Variants in CNIH4 observed in about 807,000 individuals in gnomAD.
CNIH4 encodes the protein cornichon family member 4.
A neutral mutation model predicts 21.5 loss-of-function variants in CNIH4; 9 were observed. The observed-to-expected ratio is 0.42, with a 90% confidence interval of 0.25 to 0.73. The LOEUF (loss-of-function observed/expected upper bound fraction) is 0.73, where lower values mean the gene tolerates loss of function less well. Ranked by LOEUF, CNIH4 falls within the 30% of genes least tolerant of loss-of-function variation. CNIH4 has a pLI of 0.27. For synonymous variants in CNIH4, 67 were observed against 59.1 expected (o/e 1.13, Z -0.61); for missense variants, 159 against 170.0 (o/e 0.94, Z 0.36).
chr1:224,356,841 C>A, upstream of CNIH4: 1 of 1,206,802 alleles, frequency 8.3e-7, no homozygotes, highest in Non-Finnish European at 1.2e-6. Flanking sequence ...CACGCCTCAG[C>A]CAGCCCCGGC....
At chr1:224,361,235 C>T (rs577237809) in intron 2 of CNIH4, among the ~76,000 whole-genome samples, 44 of 151,858 alleles carry the variant, frequency 2.9e-4, no homozygotes, top group South Asian at 1.7e-3. Context: ...CCTGCCTCAG[C>T]CTCCCAAGTA....
chr1:224,373,405 T>C (rs1672688789), intron 4 of CNIH4, among the ~76,000 whole-genome samples: 1 of 152,226 alleles, frequency 6.6e-6, no homozygotes, highest in African/African-American at 2.4e-5. Flanking sequence ...GGGGCGGTGC[T>C]GTAGGTACAG....
intron 1 of CNIH4, among the ~76,000 whole-genome samples, chr1:224,358,402 G>A (rs1368750845): frequency 6.6e-6 from 1 of 152,160 alleles, no homozygotes; most frequent in Non-Finnish European, 1.5e-5. Context: ...GGAGCTGATT[G>A]AAAGGGCAGC....
chr1:224,366,187 G>T (rs61278437), intron 3 of CNIH4, among the ~76,000 whole-genome samples, 196 bp downstream of exon 3: 13,340 of 151,500 alleles, frequency 0.088, 1,811 homozygotes, highest in African/African-American at 0.29. Flanking sequence ...GACTACAGGC[G>T]TGCACCACCA....
chr1:224,366,096 C>T, intron 3 of CNIH4, 105 bp downstream of exon 3: 3 of 746,042 alleles, frequency 4.0e-6, no homozygotes, highest in Non-Finnish European at 7.2e-6. Flanking sequence ...GGCTGGAGTG[C>T]AGTGGTGTGA....
chr1:224,363,097 T>G (rs769756186), intron 2 of CNIH4, among the ~76,000 whole-genome samples: 3 of 152,146 alleles, frequency 2.0e-5, no homozygotes, highest in Non-Finnish European at 4.4e-5. Context: ...TAGGCTGGAG[T>G]GCAGTGGTGC....
chr1:224,357,210 G>C, intron 1 of CNIH4: 1 of 492,804 alleles, frequency 2.0e-6, no homozygotes, highest in South Asian at 3.0e-5. Flanking sequence ...GCACGCACTT[G>C]CCCTGCCTGG....
chr1:224,357,140 C>G (rs1672139028), intron 1 of CNIH4, 147 bp downstream of exon 1: 4 of 856,280 alleles, frequency 4.7e-6, no homozygotes, highest in South Asian at 1.6e-5. Flanking sequence ...GGGGCGGTGG[C>G]GCGGGCCCCG....
At position 224,378,985 on chromosome 1, in the gene CNIH4, C is replaced by T. The variant is rs997441355; in HGVS notation, c.*3163C>T. The T allele has an allele frequency of 1.9e-5, 26 of 1,361,870 alleles. No homozygotes were observed. Among genetic ancestry groups the T allele is most frequent in the East Asian group, 2.5e-5 (1 of 40,010 alleles). The allele number at this position is 1,361,870 out of a possible 1,614,324, so 84.4% of individuals were successfully genotyped here. On this transcript the variant is annotated 3_prime_UTR_variant, in exon 5 of 5. Coordinates refer to ENST00000465271, the MANE Select transcript of CNIH4 (RefSeq NM_014184.4). ...CTCTATAATGGCAGTACCCAGGGCC[C>T]GGTCCATAGACTACTATCGAGTGCT...
At chr1:224,372,710 G>T (rs1194262211) in intron 4 of CNIH4, among the ~76,000 whole-genome samples, 1 of 151,676 alleles carries the variant, frequency 6.6e-6, no homozygotes, top group Non-Finnish European at 1.5e-5. Context: ...AGCCTCCCAA[G>T]TAGCTGGGAC....
In CNIH4 at chr1:224,357,159, A is replaced by T; in HGVS notation, c.69+166A>T. The T allele has an allele frequency of 4.2e-6, 3 of 711,614 alleles. No homozygotes were observed. In the South Asian group the frequency reaches 5.5e-5, roughly 13 times the overall value. The allele number at this position is 711,614 out of a possible 1,614,324, so 44.1% of individuals were successfully genotyped here. The stretch of plus-strand genomic sequence containing the variant: ...CGGTGGCGCGGGCCCCGGAGCGGGT[A>T]GGAGAGGCTGGCTGCCCTACCCGAC... On this transcript the variant is annotated intron_variant, in intron 1 of 4. Coordinates refer to ENST00000465271, the MANE Select transcript of CNIH4 (RefSeq NM_014184.4).
intron 4 of CNIH4, 135 bp from the exon 5 acceptor site, chr1:224,375,660 T>C: frequency 1.1e-6 from 1 of 917,072 alleles, no homozygotes; most frequent in Non-Finnish European, 1.6e-6. Context: ...TATTCTTTCC[T>C]TTGGGTATGA....
intron 3 of CNIH4, 73 bp from the exon 4 acceptor site, chr1:224,371,210 G>A (rs564753590): frequency 6.8e-7 from 1 of 1,461,994 alleles, no homozygotes; most frequent in Non-Finnish European, 9.4e-7. Flanking sequence ...GATTATTATT[G>A]GCTACTTATA....
At chr1:224,372,831 C>T (rs1174238050) in intron 4 of CNIH4, among the ~76,000 whole-genome samples, 4 of 151,854 alleles carry the variant, frequency 2.6e-5, no homozygotes, top group Admixed American at 6.6e-5. Context: ...CCGCCCACCT[C>T]GGCCTCCCAA....
At chr1:224,369,577 AAATAAT>A (rs551634247) in intron 3 of CNIH4, among the ~76,000 whole-genome samples, 2 of 152,048 alleles carry the variant, frequency 1.3e-5, no homozygotes, top group Admixed American at 6.6e-5. Context: ...TTACGTCTAA[AAATAAT>A]AATAATAATA....
intron 1 of CNIH4, 97 bp downstream of exon 1, chr1:224,357,090 C>T: frequency 7.1e-7 from 1 of 1,416,076 alleles, no homozygotes; most frequent in South Asian, 1.2e-5. Context: ...TAGGGAGGCG[C>T]CCGGCGGCGG....
chr1:224,362,614 C>T (rs1042363821), intron 2 of CNIH4, among the ~76,000 whole-genome samples: 4 of 151,490 alleles, frequency 2.6e-5, no homozygotes, highest in African/African-American at 9.7e-5. Flanking sequence ...TTCAGCCTCC[C>T]GAGTAGCTGG....
At chr1:224,358,061 T>G (rs1384398135) in intron 1 of CNIH4, among the ~76,000 whole-genome samples, 4 of 152,094 alleles carry the variant, frequency 2.6e-5, no homozygotes, top group African/African-American at 7.2e-5. Context: ...GTACAGAGTA[T>G]ATGTTCAGTG....
chr1:224,378,935 C>T lies in CNIH4; in HGVS notation c.*3113C>T. 1.2e-6 allele frequency: 1 copy of T among 825,862 alleles called. No homozygotes were observed. Among genetic ancestry groups the T allele is most frequent in the Non-Finnish European group, 2.0e-6 (1 of 493,354 alleles). 51.2% of individuals were successfully genotyped at this position (825,862 alleles called of 1,614,324 possible). On this transcript the variant is annotated 3_prime_UTR_variant, in exon 5 of 5. Coordinates refer to ENST00000465271, the MANE Select transcript of CNIH4 (RefSeq NM_014184.4). ...TGAGGCTTAGTCCAGTGTTCTCTCTCCCTTACCACTCCTCTTCCCCTTCCC... is the reference window on the plus strand; with the variant it reads ...TGAGGCTTAGTCCAGTGTTCTCTCTTCCTTACCACTCCTCTTCCCCTTCCC...
Sources: gnomAD v4.1 joint callset for allele counts (sites outside exome capture counted in the v4.1 genomes callset) on GRCh38, gnomAD v4.1.1 for gene constraint, MANE v1.5 for transcripts, NCBI Gene and HGNC (gene_info 2026-07-23, HGNC 2026-07-21) for gene names.